Variants in TRPM3 observed in about 807,000 individuals in gnomAD.
The protein encoded by TRPM3 is long transient receptor potential channel 3.
Under a neutral mutation model 181.2 loss-of-function variants are expected in TRPM3, and 77 were observed. The observed-to-expected ratio is 0.42, with a 90% CI of 0.35 to 0.51. The LOEUF is 0.51. TRPM3 is among the 20% of genes least tolerant of loss of function. TRPM3 has a pLI of 0.01. For synonymous variants in TRPM3, 745 were observed against 796.4 expected (o/e 0.94, Z 1.09); for missense variants, 1,759 against 2,196.7 (o/e 0.80, Z 3.98).
chr9:71,082,190 C>T (rs1302180415), intron 1 of TRPM3, among the ~76,000 whole-genome samples: 3 of 152,124 alleles, frequency 2.0e-5, no homozygotes, highest in African/African-American at 7.2e-5. Context: ...AGGAATATAT[C>T]AGATGTATGA....
At chr9:70,777,236 C>T (rs986328271) in intron 7 of TRPM3, among the ~76,000 whole-genome samples, 8 of 151,860 alleles carry the variant, frequency 5.3e-5, no homozygotes, top group Non-Finnish European at 1.0e-4. Context: ...TCTTTATGTT[C>T]AAGGACACTC....
chr9:70,941,095 T>C (rs575128444), intron 1 of TRPM3, among the ~76,000 whole-genome samples: 1 of 152,308 alleles, frequency 6.6e-6, no homozygotes, highest in South Asian at 2.1e-4. Context: ...TCAATTGGAT[T>C]GAAGGATGCA....
At chr9:70,602,688 T>A (rs1169687697) in intron 20 of TRPM3, among the ~76,000 whole-genome samples, 1 of 152,194 alleles carries the variant, frequency 6.6e-6, no homozygotes. Flanking sequence ...CAGCTCTGAA[T>A]CTGATGGGCC....
intron 17 of TRPM3, among the ~76,000 whole-genome samples, chr9:70,617,696 G>C (rs988974727): frequency 6.6e-6 from 1 of 152,160 alleles, no homozygotes; most frequent in African/African-American, 2.4e-5. Context: ...GGGTGCCAGT[G>C]GTTCATGCCT....
intron 1 of TRPM3, among the ~76,000 whole-genome samples, chr9:71,422,907 A>C (rs2093802896): frequency 6.6e-6 from 1 of 152,066 alleles, no homozygotes; most frequent in Non-Finnish European, 1.5e-5. Context: ...CTCCCTACAC[A>C]GACCCAGTAA....
At chr9:71,025,257 T>C (rs1366706829) in intron 1 of TRPM3, among the ~76,000 whole-genome samples, 1 of 152,216 alleles carries the variant, frequency 6.6e-6, no homozygotes, top group Non-Finnish European at 1.5e-5. Flanking sequence ...GATTGACAGA[T>C]AGTAATGATC....
At chr9:70,992,508 T>C (rs2097498009) in intron 1 of TRPM3, among the ~76,000 whole-genome samples, 1 of 152,198 alleles carries the variant, frequency 6.6e-6, no homozygotes, top group Admixed American at 6.5e-5. Flanking sequence ...TCCTGTTCTC[T>C]TGAAGCTTAT....
intron 5 of TRPM3, 170 bp downstream of exon 5, chr9:70,842,830 AGAT>A (rs1210481213): frequency 9.3e-6 from 6 of 645,598 alleles, no homozygotes; most frequent in African/African-American, 9.3e-5. Flanking sequence ...GTTTGCCTAG[AGAT>A]TTTAGAAAAT....
intron 5 of TRPM3, among the ~76,000 whole-genome samples, chr9:70,832,287 T>TATA (rs1485454291): frequency 4.2e-4 from 63 of 151,544 alleles, no homozygotes; most frequent in Admixed American, 4.1e-3. Context: ...AAACTTAAAG[T>TATA]ATAATAATAA....
intron 1 of TRPM3, among the ~76,000 whole-genome samples, chr9:70,927,198 G>A (rs2096729153): frequency 6.6e-6 from 1 of 152,156 alleles, no homozygotes; most frequent in Admixed American, 6.5e-5. Context: ...GGGAAGCTGA[G>A]GAAGCTAGAG....
intron 1 of TRPM3, among the ~76,000 whole-genome samples, chr9:71,029,747 C>A (rs532493451): frequency 8.3e-4 from 126 of 152,194 alleles, no homozygotes; most frequent in African/African-American, 2.9e-3. Flanking sequence ...AAAACTGTAT[C>A]AAGTTTTTTG....
intron 14 of TRPM3, among the ~76,000 whole-genome samples, chr9:70,622,551 G>A (rs899899430): frequency 7.9e-5 from 12 of 152,248 alleles, no homozygotes; most frequent in Non-Finnish European, 2.9e-5. Context: ...AGCATGGAAA[G>A]TGTCAGCACA....
chr9:70,866,665 C>G (rs1165372970), intron 1 of TRPM3, among the ~76,000 whole-genome samples: 1 of 151,956 alleles, frequency 6.6e-6, no homozygotes, highest in Non-Finnish European at 1.5e-5. Flanking sequence ...ATGATAGGAA[C>G]CCACAAGCCC....
chr9:71,105,170 G>A (rs545355706), intron 1 of TRPM3, among the ~76,000 whole-genome samples: 1 of 152,316 alleles, frequency 6.6e-6, no homozygotes, highest in East Asian at 1.9e-4. Context: ...AATTTTAGGA[G>A]CTTGTTGAGT....
intron 1 of TRPM3, among the ~76,000 whole-genome samples, chr9:70,884,981 G>A (rs2096062767): frequency 6.6e-6 from 1 of 152,134 alleles, no homozygotes; most frequent in Admixed American, 6.5e-5. Flanking sequence ...GAATGACACT[G>A]CTAACATTTC....
chr9:71,298,209 A>T (rs1275561951), intron 1 of TRPM3, among the ~76,000 whole-genome samples: 1 of 152,158 alleles, frequency 6.6e-6, no homozygotes, highest in Non-Finnish European at 1.5e-5. Context: ...AGAATATAAG[A>T]TATATTCGAC....
intron 1 of TRPM3, among the ~76,000 whole-genome samples, chr9:70,868,542 C>T (rs1295664718): frequency 6.6e-6 from 1 of 152,004 alleles, no homozygotes; most frequent in Non-Finnish European, 1.5e-5. Context: ...AATCTTCTTA[C>T]TATGTCCTCC....
At chr9:70,581,422 C>A (rs1426825547) in intron 22 of TRPM3, among the ~76,000 whole-genome samples, 1 of 152,260 alleles carries the variant, frequency 6.6e-6, no homozygotes, top group Non-Finnish European at 1.5e-5. Context: ...CGACTCGCTC[C>A]ACTGGACAGT....
In TRPM3 at chr9:70,761,738, C is replaced by T; in HGVS notation, c.1149-14G>A. On this transcript the variant is annotated splice_polypyrimidine_tract_variant and intron_variant, in intron 7 of 25. Coordinates refer to ENST00000677713, the MANE Select transcript of TRPM3 (RefSeq NM_001366145.2). Reference sequence around the variant, plus strand: ...TCATTTATCAGTCTGCAAGTAAAAACAATGTCAAAAGCAGGTCAACCAACT... The same window carrying T: ...TCATTTATCAGTCTGCAAGTAAAAATAATGTCAAAAGCAGGTCAACCAACT... 6.2e-7 allele frequency: 1 copy of T among 1,604,436 alleles called. No individual in the cohort carries two copies. The highest frequency in any genetic ancestry group is 8.5e-7 in the Non-Finnish European group (1 of 1,173,442).
Sources: allele counts gnomAD v4.1 joint callset (sites outside exome capture counted in the v4.1 genomes callset), GRCh38; gene constraint gnomAD v4.1.1; transcripts MANE v1.5; gene names NCBI Gene and HGNC (gene_info 2026-07-23, HGNC 2026-07-21).